RANBP2: variants seen among roughly 807,000 people sequenced by gnomAD.
The protein encoded by RANBP2 is E3 SUMO-protein ligase RanBP2.
In RANBP2, 57 loss-of-function variants were observed where a neutral mutation model predicts 303.6. The observed-to-expected ratio is 0.19, with a 90% CI of 0.15 to 0.23. RANBP2 has a LOEUF of 0.23. RANBP2 is among the 10% of genes least tolerant of loss of function. The pLI is 1.00. For synonymous variants in RANBP2, 1,167 were observed against 1,301.5 expected (o/e 0.90, Z 2.23); for missense variants, 3,138 against 3,780.8 (o/e 0.83, Z 4.46).
chr2:109,638,643 A>G, the RANBP2 span, among the ~76,000 whole-genome samples: 1 of 152,228 alleles, frequency 6.6e-6, no homozygotes, highest in East Asian at 1.9e-4. Flanking sequence ...CAGGTAATAT[A>G]TTTCCAAAGA....
At chr2:108,971,738 T>C in the RANBP2 span, among the ~76,000 whole-genome samples, 1 of 152,212 alleles carries the variant, frequency 6.6e-6, no homozygotes, top group Non-Finnish European at 1.5e-5. Context: ...TCAGGTGTTG[T>C]GGTTTATAAC....
chr2:108,863,745 T>C, the RANBP2 span, among the ~76,000 whole-genome samples: 1 of 152,250 alleles, frequency 6.6e-6, no homozygotes, highest in African/African-American at 2.4e-5. Flanking sequence ...AAGTGATTCA[T>C]TGGCATTCTT....
At chr2:109,234,622 G>A in the RANBP2 span, among the ~76,000 whole-genome samples, 164 of 152,290 alleles carry the variant, frequency 1.1e-3, 1 homozygote, top group African/African-American at 3.8e-3. Flanking sequence ...TCTCATTCAC[G>A]CTGTTAGATT....
At chr2:108,925,948 AG>A in the RANBP2 span, among the ~76,000 whole-genome samples, 1 of 152,282 alleles carries the variant, frequency 6.6e-6, no homozygotes, top group Non-Finnish European at 1.5e-5. Flanking sequence ...ATTGGCTCCA[AG>A]AGGCTGTTAT....
the RANBP2 span, among the ~76,000 whole-genome samples, chr2:109,474,969 TTTTG>T: frequency 0.019 from 2,945 of 152,030 alleles, 61 homozygotes; most frequent in Non-Finnish European, 0.033. Context: ...TTTGGGTTTT[TTTTG>T]TTTGTTTGTT....
At chr2:109,654,438 T>A in the RANBP2 span, among the ~76,000 whole-genome samples, 1 of 151,856 alleles carries the variant, frequency 6.6e-6, no homozygotes, top group Admixed American at 6.6e-5. Flanking sequence ...AGCTTAGCAT[T>A]TTTTTCCCTT....
the RANBP2 span, among the ~76,000 whole-genome samples, chr2:108,864,261 G>A: frequency 3.9e-5 from 6 of 152,224 alleles, no homozygotes; most frequent in South Asian, 8.3e-4. Flanking sequence ...TAAATATCCA[G>A]ATGATGAACA....
At chr2:109,794,639 G>A in the RANBP2 span, 2,993 of 821,336 alleles carry the variant, frequency 3.6e-3, 11 homozygotes, top group African/African-American at 0.065. Flanking sequence ...CCGCCTCGAT[G>A]GCTCAGGCGT....
the RANBP2 span, among the ~76,000 whole-genome samples, chr2:109,515,512 G>T: frequency 1.1e-4 from 17 of 152,104 alleles, no homozygotes; most frequent in African/African-American, 4.1e-4. Context: ...CCCTTCCTAG[G>T]CCCCAGATCT....
At chr2:108,929,235 T>C in the RANBP2 span, 4,264 of 1,614,160 alleles carry the variant, frequency 2.6e-3, 208 homozygotes, top group East Asian at 0.084. Context: ...TCATTCTCCA[T>C]GTCCCCTGGT....
the RANBP2 span, among the ~76,000 whole-genome samples, chr2:109,328,708 T>C: frequency 6.6e-6 from 1 of 152,216 alleles, no homozygotes; most frequent in Non-Finnish European, 1.5e-5. Context: ...CTCCTGGTCA[T>C]CACTGTGTCC....
chr2:109,250,571 A>G, the RANBP2 span, among the ~76,000 whole-genome samples: 1 of 152,048 alleles, frequency 6.6e-6, no homozygotes, highest in Non-Finnish European at 1.5e-5. Context: ...CATGATAAAT[A>G]CAGAAAAACC....
chr2:109,603,039 C>CCAG, the RANBP2 span, among the ~76,000 whole-genome samples: 2,527 of 151,884 alleles, frequency 0.017, 81 homozygotes, highest in African/African-American at 0.057. Context: ...CCACTGTACT[C>CCAG]CAGCCTGGGC....
chr2:109,227,184 T>C, the RANBP2 span, among the ~76,000 whole-genome samples: 1 of 152,100 alleles, frequency 6.6e-6, no homozygotes, highest in African/African-American at 2.4e-5. Context: ...ACTTAGGGTG[T>C]GTGTTTTCTC....
the RANBP2 span, among the ~76,000 whole-genome samples, chr2:109,534,617 T>G: frequency 6.6e-6 from 1 of 152,106 alleles, no homozygotes; most frequent in Non-Finnish European, 1.5e-5. Flanking sequence ...CCGTCTCTAC[T>G]AAAAACACAA....
the RANBP2 span, among the ~76,000 whole-genome samples, chr2:109,492,004 C>T: frequency 6.6e-6 from 1 of 152,098 alleles, no homozygotes; most frequent in East Asian, 1.9e-4. Context: ...GTATAGTTTT[C>T]TAGCTTCACA....
At chr2:109,165,243 A>G in the RANBP2 span, among the ~76,000 whole-genome samples, 1 of 152,224 alleles carries the variant, frequency 6.6e-6, no homozygotes, top group African/African-American at 2.4e-5. Flanking sequence ...TACTAGGTGT[A>G]TCAAGAAGGT....
At chr2:108,942,983 C>T in the RANBP2 span, among the ~76,000 whole-genome samples, 1 of 152,210 alleles carries the variant, frequency 6.6e-6, no homozygotes, top group Non-Finnish European at 1.5e-5. Context: ...TGCAGGTAAC[C>T]CGGCACAGAT....
the RANBP2 span, among the ~76,000 whole-genome samples, chr2:108,936,972 G>A: frequency 2.0e-5 from 3 of 152,162 alleles, no homozygotes; most frequent in South Asian, 2.1e-4. Context: ...TTAAATAGCC[G>A]GTCCTGTTCC....
Sources: allele counts gnomAD v4.1 joint callset (sites outside exome capture counted in the v4.1 genomes callset), GRCh38; gene constraint gnomAD v4.1.1; transcripts MANE v1.5; gene names NCBI Gene and HGNC (gene_info 2026-07-23, HGNC 2026-07-21).